Variants in CHODL observed in about 807,000 individuals in gnomAD.
The protein encoded by CHODL is transmembrane protein MT75.
CHODL carries 29 observed loss-of-function variants against 34.5 expected under a neutral mutation model. The ratio of observed to expected loss-of-function variants is 0.84; its 90% CI spans 0.63 to 1.15. The LOEUF (loss-of-function observed/expected upper bound fraction) is 1.15. Among genes scored for constraint, CHODL ranks in the 50% most tolerant of loss-of-function variants. The pLI is 0.00. For synonymous variants in CHODL, 125 were observed against 116.1 expected, an observed-to-expected ratio of 1.08 and a Z score of -0.49; for missense variants, 332 against 332.5, an observed-to-expected ratio of 1.00 and a Z score of 0.01.
intron 2 of CHODL, among the ~76,000 whole-genome samples, chr21:18,185,005 T>TC (rs1294578930): frequency 6.6e-6 from 1 of 152,284 alleles, no homozygotes; most frequent in East Asian, 1.9e-4. Context: ...TGTCTCTCTC[T>TC]TTTTTTGTTT....
chr21:17,978,546 G>A (rs1360458798), intron 1 of CHODL, among the ~76,000 whole-genome samples: 4 of 150,124 alleles, frequency 2.7e-5, no homozygotes, highest in East Asian at 2.0e-4. Flanking sequence ...ATGAAACCCC[G>A]TCTCTACTAA....
At chr21:18,262,249 A>T (rs894041244) in intron 4 of CHODL, among the ~76,000 whole-genome samples, 1 of 152,218 alleles carries the variant, frequency 6.6e-6, no homozygotes, top group Non-Finnish European at 1.5e-5. Flanking sequence ...TTACCAAAAC[A>T]TGAATACAGT....
At chr21:18,265,916 A>T in intron 5 of CHODL, 38 bp from the exon 6 acceptor site, 1 of 1,570,086 alleles carries the variant, frequency 6.4e-7, no homozygotes, top group Non-Finnish European at 8.7e-7. Flanking sequence ...TTTAATAAGA[A>T]ATTTTAGGCA....
chr21:17,920,771 T>G (rs563373547), intron 1 of CHODL, among the ~76,000 whole-genome samples: 8 of 152,310 alleles, frequency 5.3e-5, no homozygotes, highest in Admixed American at 2.0e-4. Flanking sequence ...CATCTGACTG[T>G]ATACTGCTAG....
intron 2 of CHODL, among the ~76,000 whole-genome samples, chr21:18,115,986 T>G (rs1207369421): frequency 1.3e-5 from 2 of 152,192 alleles, no homozygotes; most frequent in African/African-American, 2.4e-5. Flanking sequence ...TTGTTGTTGT[T>G]GAACTGCTTT....
chr21:18,136,130 A>AAAAAAG (rs1568904709), intron 2 of CHODL, among the ~76,000 whole-genome samples: 3 of 151,136 alleles, frequency 2.0e-5, no homozygotes, highest in African/African-American at 2.4e-5. Flanking sequence ...AAAAAGAAAA[A>AAAAAAG]AAAGAAAAAA....
At position 18,234,360 on chromosome 21, in the gene CHODL, C is replaced by G. The variant is rs1457399718; in HGVS notation, c.-44-22149C>G. ...AAGCAGAGTGTGGACTATTTTCTTG[C>G]CCTCTACTGGCCGTGAAGCCTCAAA... On this transcript the variant is annotated intron_variant, in intron 2 of 6. Transcript: ENST00000400127. Among the ~76,000 whole-genome samples, 550 of 152,110 alleles carry G rather than the reference C, an allele frequency of 3.6e-3. 5 individuals are homozygous for G. The highest frequency in any genetic ancestry group is 0.012 in the African/African-American group (509 of 41,490).
intron 2 of CHODL, among the ~76,000 whole-genome samples, chr21:18,204,695 A>C (rs572612778): frequency 3.9e-5 from 6 of 152,146 alleles, no homozygotes; most frequent in Non-Finnish European, 8.8e-5. Context: ...TCTTACTTCC[A>C]TCTGAGTTTC....
At chr21:17,995,752 G>T (rs571540645) in intron 1 of CHODL, among the ~76,000 whole-genome samples, 8 of 152,296 alleles carry the variant, frequency 5.3e-5, no homozygotes, top group African/African-American at 1.7e-4. Flanking sequence ...TTAGAGTCTT[G>T]CTGAAGAACA....
intron 1 of CHODL, among the ~76,000 whole-genome samples, chr21:17,989,710 C>T (rs747314395): frequency 4.3e-4 from 65 of 152,060 alleles, no homozygotes; most frequent in African/African-American, 1.4e-3. Flanking sequence ...AATGATGAGC[C>T]GACCATGTTT....
At chr21:18,251,745 A>ATTTAT (rs1466710087) in intron 1 of CHODL, among the ~76,000 whole-genome samples, 46 of 136,654 alleles carry the variant, frequency 3.4e-4, no homozygotes, top group Non-Finnish European at 5.0e-4. Context: ...TATTTATTTT[A>ATTTAT]TTTATTTATT....
At chr21:17,957,384 A>G (rs1426720862) in intron 1 of CHODL, among the ~76,000 whole-genome samples, 1 of 152,148 alleles carries the variant, frequency 6.6e-6, no homozygotes, top group Non-Finnish European at 1.5e-5. Flanking sequence ...GATAGAGTTT[A>G]AACTTCGTAC....
intron 2 of CHODL, among the ~76,000 whole-genome samples, chr21:18,192,203 G>A (rs921451209): frequency 2.0e-5 from 3 of 152,100 alleles, no homozygotes; most frequent in Admixed American, 1.3e-4. Flanking sequence ...GAGAAGGATG[G>A]TAATCTGATC....
chr21:18,257,492 T>G (rs150482198), intron 3 of CHODL, among the ~76,000 whole-genome samples: 12 of 152,344 alleles, frequency 7.9e-5, no homozygotes, highest in African/African-American at 2.6e-4. Flanking sequence ...AAAGCACCTA[T>G]AGACTTACAC....
intron 2 of CHODL, among the ~76,000 whole-genome samples, chr21:18,141,137 G>A (rs1175376752): frequency 6.6e-6 from 1 of 152,008 alleles, no homozygotes; most frequent in African/African-American, 2.4e-5. Context: ...GTGAAGAAAA[G>A]AAAAGTAATG....
At chr21:18,054,793 G>A (rs1600943713) in intron 2 of CHODL, among the ~76,000 whole-genome samples, 1 of 151,816 alleles carries the variant, frequency 6.6e-6, no homozygotes, top group Non-Finnish European at 1.5e-5. Flanking sequence ...ATCACATTGT[G>A]CCCCACAAAT....
chr21:17,968,962 T>C (rs923810808), intron 1 of CHODL, among the ~76,000 whole-genome samples: 8 of 152,192 alleles, frequency 5.3e-5, no homozygotes, highest in African/African-American at 1.9e-4. Context: ...AATGGTTTTC[T>C]TGTAACTTTT....
At chr21:17,990,009 G>A (rs1019698076) in intron 1 of CHODL, among the ~76,000 whole-genome samples, 1 of 152,090 alleles carries the variant, frequency 6.6e-6, no homozygotes, top group African/African-American at 2.4e-5. Context: ...AGAGCTGTTT[G>A]AGGCTCTCCT....
chr21:18,119,670 A>G (rs1032568395), intron 2 of CHODL, among the ~76,000 whole-genome samples: 10 of 152,220 alleles, frequency 6.6e-5, no homozygotes, highest in African/African-American at 2.4e-4. Flanking sequence ...AAAGCTGCCA[A>G]TAACTCAGGG....
Sources: gnomAD v4.1 joint callset for allele counts (sites outside exome capture counted in the v4.1 genomes callset) on GRCh38, gnomAD v4.1.1 for gene constraint, MANE v1.5 for transcripts, NCBI Gene and HGNC (gene_info 2026-07-23, HGNC 2026-07-21) for gene names.